The following RABGAP1 variants were observed in gnomAD, a reference collection of about 807,000 sequenced individuals.
The protein encoded by RABGAP1 is rab GTPase-activating protein 1.
Under a neutral mutation model 137.6 loss-of-function variants are expected in RABGAP1, and 23 were observed. The ratio of observed to expected loss-of-function variants is 0.17; its 90% CI spans 0.12 to 0.24. The LOEUF (loss-of-function observed/expected upper bound fraction) is 0.24. RABGAP1 is among the 10% of genes least tolerant of loss of function. The pLI, the probability that RABGAP1 is intolerant of heterozygous loss-of-function variation, is 1.00. For missense variants in RABGAP1, 906 were observed against 1,275.8 expected (o/e 0.71, Z 4.42); for synonymous variants, 451 against 450.7 (o/e 1.00, Z -0.01).
At chr9:123,061,320 G>T in intron 13 of RABGAP1, among the ~76,000 whole-genome samples, 1 of 152,168 alleles carries the variant, frequency 6.6e-6, no homozygotes, top group East Asian at 1.9e-4. Flanking sequence ...TTGCCATGTT[G>T]CCCAGGCTGG....
intron 13 of RABGAP1, among the ~76,000 whole-genome samples, chr9:123,060,121 G>T (rs1162272187): frequency 1.3e-5 from 2 of 152,208 alleles, no homozygotes; most frequent in Non-Finnish European, 2.9e-5. Context: ...GGGAGGTGGG[G>T]AATGTGAGAT....
rs2035225200 is a variant in RABGAP1, at chr9:123,097,737, T to C, written c.2629-4T>C. 2 of 1,606,032 alleles carry C rather than the reference T, an allele frequency of 1.2e-6. No individual in the cohort carries two copies. The highest frequency in any genetic ancestry group is 4.5e-5 in the East Asian group (2 of 44,804). On this transcript the variant is annotated splice_polypyrimidine_tract_variant and splice_region_variant and intron_variant, in intron 21 of 25. Transcript: ENST00000373647. ...TTTGTGACAGCATATCTTAAATGTTTCAGGCTGAGGAAAAGGCAGATGCTC... is the reference window on the plus strand; with the variant it reads ...TTTGTGACAGCATATCTTAAATGTTCCAGGCTGAGGAAAAGGCAGATGCTC...
chr9:123,100,371 A>G (rs573267176), intron 24 of RABGAP1, among the ~76,000 whole-genome samples: 2 of 148,580 alleles, frequency 1.3e-5, no homozygotes, highest in African/African-American at 2.5e-5. Context: ...GTCATAATTA[A>G]TGTTTAACCA....
chr9:122,966,473 AC>A (rs1835148623), intron 2 of RABGAP1, among the ~76,000 whole-genome samples: 1 of 152,164 alleles, frequency 6.6e-6, no homozygotes, highest in East Asian at 1.9e-4. Flanking sequence ...CAGTGAGCCT[AC>A]ATTGTGCCAT....
At chr9:123,095,127 T>G (rs1448947809) in intron 21 of RABGAP1, among the ~76,000 whole-genome samples, 1 of 150,428 alleles carries the variant, frequency 6.6e-6, no homozygotes, top group Non-Finnish European at 1.5e-5. Context: ...CATAGGAGGC[T>G]TAGGTGAGAG....
Position 123,073,634 on chromosome 9 carries a change from A to G in RABGAP1, c.2066A>G (p.Glu689Gly). The G allele has an allele frequency of 1.2e-6, 2 of 1,613,952 alleles. No homozygotes were observed. The highest frequency in any genetic ancestry group is 2.2e-5 in the South Asian group (2 of 91,080). Reference sequence around the variant, plus strand: ...AGGGAACTTTTCAAGCAAAACTTCGAAGATTTGCATTGCAAATTTTACCAG... The same window carrying G: ...AGGGAACTTTTCAAGCAAAACTTCGGAGATTTGCATTGCAAATTTTACCAG... ...GLRELFKQNF[E>G]DLHCKFYQLE... Residue 689 changes from glutamate (E) to glycine (G), a missense_variant, in exon 16 of 26, where the codon GAA becomes GGA. Around this residue, in one of 9 missense-constraint regions of RABGAP1, gnomAD observed 25 missense variants for 31.7 expected, o/e 0.79. Transcript: ENST00000373647.
intron 2 of RABGAP1, among the ~76,000 whole-genome samples, chr9:122,974,643 A>C (rs943893558): frequency 3.9e-5 from 6 of 152,080 alleles, no homozygotes; most frequent in African/African-American, 1.4e-4. Context: ...AAAATAAAAA[A>C]ATTAAAATAA....
intron 13 of RABGAP1, among the ~76,000 whole-genome samples, chr9:123,030,509 G>T (rs549120919): frequency 6.6e-6 from 1 of 152,194 alleles, no homozygotes; most frequent in South Asian, 2.1e-4. Flanking sequence ...AATATAGAGA[G>T]AATATATCAT....
chr9:123,040,124 G>A (rs2032880551), intron 13 of RABGAP1, among the ~76,000 whole-genome samples: 1 of 152,248 alleles, frequency 6.6e-6, no homozygotes, highest in South Asian at 2.1e-4. Context: ...GAACTATATA[G>A]TCTTTAGGTG....
At chr9:123,100,809 G>GA (rs1282409541) in intron 24 of RABGAP1, among the ~76,000 whole-genome samples, 3 of 152,128 alleles carry the variant, frequency 2.0e-5, no homozygotes, top group Non-Finnish European at 4.4e-5. Context: ...GTAAATAAGG[G>GA]AAAAAAGCCC....
chr9:123,002,393 G>A (rs1425501667), intron 10 of RABGAP1, among the ~76,000 whole-genome samples: 1 of 148,378 alleles, frequency 6.7e-6, no homozygotes, highest in Non-Finnish European at 1.5e-5. Flanking sequence ...ACTGGCCTGA[G>A]AATAGTTATA....
chr9:123,088,439 A>G (rs907038586), intron 19 of RABGAP1, among the ~76,000 whole-genome samples: 1 of 152,198 alleles, frequency 6.6e-6, no homozygotes, highest in Non-Finnish European at 1.5e-5. Context: ...ATTTAAAACA[A>G]TGCCAATGCC....
intron 2 of RABGAP1, among the ~76,000 whole-genome samples, chr9:122,981,386 A>C (rs957998195): frequency 2.0e-5 from 3 of 152,154 alleles, no homozygotes; most frequent in African/African-American, 7.2e-5. Flanking sequence ...AATGTTGACT[A>C]TATGACAGAT....
At chr9:122,965,360 A>G (rs980453740) in intron 2 of RABGAP1, among the ~76,000 whole-genome samples, 5 of 152,062 alleles carry the variant, frequency 3.3e-5, no homozygotes, top group African/African-American at 1.2e-4. Context: ...TTAAGGGTAT[A>G]TTGTGCTGCT....
chr9:123,083,336 C>G (rs1253740751), intron 19 of RABGAP1, among the ~76,000 whole-genome samples: 1 of 152,198 alleles, frequency 6.6e-6, no homozygotes. Context: ...GTTCAGCTTT[C>G]TTTATAACTA....
chr9:123,009,160 C>G (rs2030577441), intron 10 of RABGAP1, among the ~76,000 whole-genome samples: 1 of 152,194 alleles, frequency 6.6e-6, no homozygotes, highest in African/African-American at 2.4e-5. Flanking sequence ...TGCCTGGCTG[C>G]TTTTGCACTA....
chr9:122,952,614 T>C (rs1834313342), intron 1 of RABGAP1, among the ~76,000 whole-genome samples: 1 of 152,136 alleles, frequency 6.6e-6, no homozygotes, highest in East Asian at 1.9e-4. Context: ...CACACACTTG[T>C]GGTCCTAGCT....
At chr9:123,011,333 A>C (rs959252474) in intron 11 of RABGAP1, among the ~76,000 whole-genome samples, 1 of 152,204 alleles carries the variant, frequency 6.6e-6, no homozygotes, top group African/African-American at 2.4e-5. Context: ...AAGTGCAAGG[A>C]GAATCTAGTA....
At chr9:123,023,185 T>C (rs2131942071) in intron 13 of RABGAP1, among the ~76,000 whole-genome samples, 1 of 152,268 alleles carries the variant, frequency 6.6e-6, no homozygotes, top group Admixed American at 6.5e-5. Flanking sequence ...TGTTCTTGAA[T>C]TTTTTCTGTT....
Sources: gnomAD v4.1 joint callset for allele counts (sites outside exome capture counted in the v4.1 genomes callset) on GRCh38, gnomAD v4.1.1 for gene constraint, gnomAD v4.1.1 regional missense constraint, MANE v1.5 for transcripts, NCBI Gene and HGNC (gene_info 2026-07-23, HGNC 2026-07-21) for gene names.